Variants in SAMD5 observed in about 807,000 individuals in gnomAD.
The protein encoded by SAMD5 is sterile alpha motif domain-containing protein 5.
SAMD5 carries 13 observed loss-of-function variants against 11.3 expected under a neutral mutation model. The ratio of observed to expected loss-of-function variants is 1.15; its 90% CI spans 0.75 to 1.83. The LOEUF (loss-of-function observed/expected upper bound fraction) is 1.83, where lower values mean the gene tolerates loss of function less well. Ranked by LOEUF, SAMD5 falls within the 40% of genes most tolerant of loss-of-function variation. The probability of loss-of-function intolerance (pLI) is 0.00; values close to 1 mark genes in which losing one functional copy is unlikely to be tolerated. For synonymous variants in SAMD5, 129 were observed against 111.3 expected, an observed-to-expected ratio of 1.16 and a Z score of -1.00; for missense variants, 255 against 239.1, an observed-to-expected ratio of 1.07 and a Z score of -0.44.
chr6:147,817,720 A>G, the SAMD5 span, among the ~76,000 whole-genome samples: 2 of 152,294 alleles, frequency 1.3e-5, no homozygotes, highest in African/African-American at 2.4e-5. Flanking sequence ...CAGGAACTGC[A>G]TGGGTGGCAG....
the SAMD5 span, chr6:147,953,729 G>A: frequency 6.6e-6 from 1 of 152,162 alleles, no homozygotes; most frequent in African/African-American, 2.4e-5. Flanking sequence ...ATTTATATGT[G>A]TAATGTGTAA....
At chr6:147,852,794 C>G in the SAMD5 span, among the ~76,000 whole-genome samples, 6 of 152,270 alleles carry the variant, frequency 3.9e-5, no homozygotes, top group South Asian at 1.0e-3. Flanking sequence ...CTACCCTTTT[C>G]TTCCTGAACC....
At chr6:147,588,817 A>G (rs1330740887) in intron 1 of SAMD5, among the ~76,000 whole-genome samples, 1 of 152,044 alleles carries the variant, frequency 6.6e-6, no homozygotes, top group Non-Finnish European at 1.5e-5. Context: ...TTCCCCATCC[A>G]TCTTTTTACT....
intron 1 of SAMD5, among the ~76,000 whole-genome samples, chr6:147,590,731 C>G (rs1340259145): frequency 6.6e-6 from 1 of 152,036 alleles, no homozygotes; most frequent in Non-Finnish European, 1.5e-5. Flanking sequence ...TTTAATATAC[C>G]AAGACTAGAT....
At chr6:147,918,948 GC>G in the SAMD5 span, among the ~76,000 whole-genome samples, 45 of 152,112 alleles carry the variant, frequency 3.0e-4, no homozygotes, top group African/African-American at 1.0e-3. Flanking sequence ...CTCGTGATCT[GC>G]CTGCCTTGGC....
chr6:147,879,219 C>A, the SAMD5 span, among the ~76,000 whole-genome samples: 2 of 152,330 alleles, frequency 1.3e-5, no homozygotes, highest in African/African-American at 4.8e-5. Context: ...GAAGAAGCTG[C>A]GATTTCACAA....
the SAMD5 span, among the ~76,000 whole-genome samples, chr6:147,838,025 A>G: frequency 2.0e-5 from 3 of 152,128 alleles, no homozygotes; most frequent in Non-Finnish European, 4.4e-5. Flanking sequence ...ATGGTCCACT[A>G]TCTATATGGA....
the SAMD5 span, among the ~76,000 whole-genome samples, chr6:147,785,793 A>G: frequency 6.6e-6 from 1 of 152,224 alleles, no homozygotes; most frequent in Non-Finnish European, 1.5e-5. Context: ...AAAATAACAA[A>G]GCATTGCCTA....
chr6:147,534,171 C>T (rs1230596078), intron 1 of SAMD5, among the ~76,000 whole-genome samples: 1 of 152,172 alleles, frequency 6.6e-6, no homozygotes, highest in Non-Finnish European at 1.5e-5. Context: ...ATGCCATTAG[C>T]TAGTTTTGTT....
At chr6:147,810,971 G>A in the SAMD5 span, among the ~76,000 whole-genome samples, 2 of 152,168 alleles carry the variant, frequency 1.3e-5, no homozygotes, top group South Asian at 4.1e-4. Flanking sequence ...GTGAGAACAT[G>A]TTAAGTGCCA....
chr6:147,730,238 G>A (rs1297981783), intron 1 of SAMD5: 1 of 370,256 alleles, frequency 2.7e-6, no homozygotes, highest in Non-Finnish European at 5.3e-6. Flanking sequence ...AAGATTTTGA[G>A]CAAAGATATG....
the SAMD5 span, among the ~76,000 whole-genome samples, chr6:147,896,576 G>T: frequency 6.6e-6 from 1 of 151,868 alleles, no homozygotes; most frequent in Non-Finnish European, 1.5e-5. Flanking sequence ...GACGGGATGT[G>T]CAAAAATTAA....
At chr6:147,863,527 G>T in the SAMD5 span, among the ~76,000 whole-genome samples, 1 of 152,142 alleles carries the variant, frequency 6.6e-6, no homozygotes, top group African/African-American at 2.4e-5. Flanking sequence ...TAAGTAGAAG[G>T]TTGTTTATCA....
intron 1 of SAMD5, among the ~76,000 whole-genome samples, chr6:147,549,777 C>T (rs749042694): frequency 6.6e-5 from 10 of 151,964 alleles, no homozygotes; most frequent in Non-Finnish European, 1.2e-4. Context: ...ACATTATCCA[C>T]CACCGGAGCA....
chr6:147,951,360 T>G, the SAMD5 span, among the ~76,000 whole-genome samples: 4 of 152,038 alleles, frequency 2.6e-5, no homozygotes, highest in African/African-American at 9.7e-5. Context: ...TTTTGTATTT[T>G]TAGTAGAGAC....
At chr6:147,653,109 T>TA (rs1349032339) in intron 1 of SAMD5, among the ~76,000 whole-genome samples, 11 of 152,152 alleles carry the variant, frequency 7.2e-5, no homozygotes, top group African/African-American at 2.4e-4. Flanking sequence ...GATTTGGAAT[T>TA]AAAAAAATGA....
chr6:147,794,636 C>A, the SAMD5 span, among the ~76,000 whole-genome samples: 1 of 151,792 alleles, frequency 6.6e-6, no homozygotes, highest in Non-Finnish European at 1.5e-5. Context: ...GAACTTTTAC[C>A]GATTTCTCCA....
the SAMD5 span, among the ~76,000 whole-genome samples, chr6:147,868,858 T>G: frequency 0.026 from 3,933 of 152,312 alleles, 56 homozygotes; most frequent in African/African-American, 0.034. Flanking sequence ...TGAGTGAAAT[T>G]TATTTCTGCA....
At chr6:147,748,434 T>A in the SAMD5 span, among the ~76,000 whole-genome samples, 1 of 152,242 alleles carries the variant, frequency 6.6e-6, no homozygotes, top group African/African-American at 2.4e-5. Context: ...ATGGTGGTTG[T>A]AATGTTTGAA....
Sources: allele counts gnomAD v4.1 joint callset (sites outside exome capture counted in the v4.1 genomes callset), GRCh38; gene constraint gnomAD v4.1.1; transcripts MANE v1.5; gene names NCBI Gene and HGNC (gene_info 2026-07-23, HGNC 2026-07-21).